NDEL1: variants seen among roughly 807,000 people sequenced by gnomAD.
NDEL1 encodes the protein nuclear distribution protein nudE-like 1.
In NDEL1, 9 loss-of-function variants were observed where a neutral mutation model predicts 45.7. The observed-to-expected ratio is 0.20, with a 90% CI of 0.12 to 0.34. NDEL1 has a LOEUF of 0.34. Among genes scored for constraint, NDEL1 ranks in the 10% least tolerant of loss-of-function variants. The probability of loss-of-function intolerance (pLI) is 1.00; values close to 1 mark genes in which losing one functional copy is unlikely to be tolerated. For missense variants in NDEL1, 306 were observed against 406.2 expected (o/e 0.75, Z 2.12); for synonymous variants, 133 against 158.6 (o/e 0.84, Z 1.21).
upstream of NDEL1, among the ~76,000 whole-genome samples, chr17:8,434,538 C>T (rs1458848286): frequency 6.6e-6 from 1 of 151,444 alleles, no homozygotes; most frequent in African/African-American, 2.4e-5. Flanking sequence ...ACACAGTAGA[C>T]CCCATCTCCT....
At chr17:8,468,400 C>G (rs1025325681), downstream of NDEL1, among the ~76,000 whole-genome samples, 1 of 152,184 alleles carries the variant, frequency 6.6e-6, no homozygotes, top group African/African-American at 2.4e-5. Context: ...GGCCTGGGCC[C>G]CATGTGAAAA....
chr17:8,424,072 A>C, intron 1 of NDEL1, among the ~76,000 whole-genome samples: 1 of 152,244 alleles, frequency 6.6e-6, no homozygotes, highest in Non-Finnish European at 1.5e-5. Context: ...AAAGAAAAAA[A>C]GGAAGGAAGA....
At chr17:8,447,035 T>C (rs1170561153) in intron 4 of NDEL1, 133 bp downstream of exon 4, 3 of 1,141,862 alleles carry the variant, frequency 2.6e-6, no homozygotes, top group Non-Finnish European at 2.4e-6. Context: ...CTGTAACTCA[T>C]CGGACGGAAG....
At chr17:8,462,210 C>A (rs1911254456) in intron 8 of NDEL1, among the ~76,000 whole-genome samples, 1 of 151,820 alleles carries the variant, frequency 6.6e-6, no homozygotes, top group Non-Finnish European at 1.5e-5. Context: ...GTTGCAGATA[C>A]TGAGTTTTGG....
chr17:8,445,744 C>T lies in NDEL1; in HGVS notation c.120C>T (p.Phe40=), dbSNP rs767672497. The change falls in exon 3 of 9, where the codon TTC becomes TTT. Residue 40 remains phenylalanine (F), a synonymous_variant. Coordinates refer to ENST00000334527, the MANE Select transcript of NDEL1 (RefSeq NM_030808.5). ...FQEARDELVE[F]QEGSRELEAE... is the part of the protein sequence containing the mutation. Reference sequence around the variant, plus strand: ...AAGCTCGGGATGAGCTAGTTGAATTCCAGGAAGGAAGCAGAGAATTAGAAG... The same window carrying T: ...AAGCTCGGGATGAGCTAGTTGAATTTCAGGAAGGAAGCAGAGAATTAGAAG... 3.8e-6 allele frequency: 6 copies of T among 1,595,592 alleles called. No homozygotes were observed. Among genetic ancestry groups the T allele is most frequent in the Non-Finnish European group, 5.1e-6 (6 of 1,173,392 alleles).
chr17:8,435,954 G>C lies in NDEL1; in HGVS notation c.-104G>C, dbSNP rs1203278061. 2.2e-6 allele frequency: 1 copy of C among 448,598 alleles called. No individual in the cohort carries two copies. The allele number at this position is 448,598 out of a possible 1,614,324, so 27.8% of individuals were successfully genotyped here. A position where few individuals can be genotyped will look rare whatever the true frequency, so the allele number is the denominator to read the frequency against. On this transcript the variant is annotated 5_prime_UTR_variant, in exon 1 of 9. Transcript: ENST00000334527. Reference sequence around the variant, plus strand: ...GTGGAGCTCGGGGCTGCGTAGGGGAGCTGAGCCGAGCGGCTGGGCGGGCCT... The same window carrying C: ...GTGGAGCTCGGGGCTGCGTAGGGGACCTGAGCCGAGCGGCTGGGCGGGCCT...
upstream of NDEL1, among the ~76,000 whole-genome samples, chr17:8,434,179 G>C (rs534166656): frequency 1.8e-3 from 280 of 152,316 alleles, 1 homozygote; most frequent in African/African-American, 6.5e-3. Context: ...AGGACTTTGT[G>C]GGGGGCTGAG....
chr17:8,444,364 T>A lies in NDEL1; in HGVS notation c.86+7T>A. 1 of 1,600,836 alleles carries A rather than the reference T, an allele frequency of 6.2e-7. No homozygotes were observed. The highest frequency in any genetic ancestry group is 1.1e-5 in the South Asian group (1 of 90,188). On this transcript the variant is annotated splice_region_variant and intron_variant, in intron 2 of 8. Coordinates refer to ENST00000334527, the MANE Select transcript of NDEL1 (RefSeq NM_030808.5). The stretch of plus-strand genomic sequence containing the variant: ...CCTTGAAGTATAAGCAAAGGTAATG[T>A]TGGAAAGCACACTAAAAGTAGGGGA...
At chr17:8,439,527 T>C (rs1056999446) in intron 1 of NDEL1, among the ~76,000 whole-genome samples, 9 of 152,028 alleles carry the variant, frequency 5.9e-5, no homozygotes, top group Admixed American at 2.0e-4. Context: ...GTGCTAGGAT[T>C]ATAGGCATGA....
chr17:8,434,498 G>A (rs556393366), upstream of NDEL1, among the ~76,000 whole-genome samples: 125 of 152,200 alleles, frequency 8.2e-4, no homozygotes, highest in Non-Finnish European at 1.5e-3. Context: ...GCGCCTGGCC[G>A]AAGTCAGGAG....
At position 8,467,309 on chromosome 17, in the gene NDEL1, G is replaced by A; in HGVS notation, c.*286G>A. The A allele has an allele frequency of 1.8e-6, 1 of 556,570 alleles. No individual in the cohort carries two copies. Among genetic ancestry groups the A allele is most frequent in the Non-Finnish European group, 3.2e-6 (1 of 315,604 alleles). The allele number at this position is 556,570 out of a possible 1,614,324, so 34.5% of individuals were successfully genotyped here. A position where few individuals can be genotyped will look rare whatever the true frequency, so the allele number is the denominator to read the frequency against. On this transcript the variant is annotated 3_prime_UTR_variant, in exon 9 of 9. Transcript: ENST00000334527. The surrounding 1 kb of genome is among the most constrained non-coding windows in gnomAD (Gnocchi z 6.3). Reference sequence around the variant, plus strand: ...ACATACGTGTATTACTTGGTCACTGGATGCAGAAGTACCCATTCATCACAC... The same window carrying A: ...ACATACGTGTATTACTTGGTCACTGAATGCAGAAGTACCCATTCATCACAC...
At chr17:8,471,183 T>C (rs569895173), downstream of NDEL1, among the ~76,000 whole-genome samples, 7 of 152,324 alleles carry the variant, frequency 4.6e-5, no homozygotes, top group African/African-American at 1.7e-4. Context: ...AGATTTTCGC[T>C]CTTGTTGCCC....
intron 8 of NDEL1, among the ~76,000 whole-genome samples, chr17:8,462,605 CCTGT>C (rs1267343481): frequency 4.6e-5 from 7 of 152,138 alleles, no homozygotes; most frequent in Non-Finnish European, 8.8e-5. Flanking sequence ...AACACAAAAG[CCTGT>C]CTGTGTAGAA....
At chr17:8,439,543 C>T (rs1006464187) in intron 1 of NDEL1, among the ~76,000 whole-genome samples, 16 of 152,030 alleles carry the variant, frequency 1.1e-4, no homozygotes, top group African/African-American at 2.2e-4. Context: ...CATGAGCCAC[C>T]GCGCCTGGCC....
upstream of NDEL1, among the ~76,000 whole-genome samples, chr17:8,431,720 TACTGTGAGGATG>T (rs1251765013): frequency 2.6e-5 from 4 of 152,204 alleles, no homozygotes; most frequent in African/African-American, 9.6e-5. Context: ...CTCATGGGAT[TACTGTGAGGATG>T]AAATTAAGCA....
chr17:8,464,630 C>T (rs1045164133), intron 8 of NDEL1: 1 of 152,272 alleles, frequency 6.6e-6, no homozygotes, highest in African/African-American at 2.4e-5. Context: ...CCGGTTCTCT[C>T]TTTATAGTCT....
Position 8,446,874 on chromosome 17 carries a change from G to T in NDEL1, c.361G>T (p.Ala121Ser). The T allele has an allele frequency of 6.2e-7, 1 of 1,614,080 alleles. No individual in the cohort carries two copies. Among genetic ancestry groups the T allele is most frequent in the Non-Finnish European group, 8.5e-7 (1 of 1,179,992 alleles). ...TAAGTATGTGAGAGAGCTGGAGCAG[G>T]CCAACGACGACCTGGAGCGAGCCAA... ...LHKYVRELEQ[A>S]NDDLERAKRA... The change falls in exon 4 of 9, where the codon GCC becomes TCC. Residue 121 changes from alanine (A) to serine (S), a missense_variant. Physicochemically the swap from Ala to Ser is moderately conservative, Grantham distance 99 (BLOSUM62 1). This residue lies in a region of NDEL1 where 112 missense variants were observed against 148.3 expected (regional missense o/e 0.76). Transcript: ENST00000334527.
In NDEL1 at chr17:8,428,865, G is replaced by A. The variant is rs548471393; in HGVS notation, c.-12-15395G>A. On this transcript the variant is annotated intron_variant, in intron 1 of 4. Coordinates refer to the NDEL1 transcript ENST00000582812. ...ATTTTTTGTATTTTTAGTAGAGACG[G>A]GGTTTCACCGTGTTAGCCAAGATGG... Among the ~76,000 whole-genome samples the A allele has an allele frequency of 4.0e-3, 612 of 151,344 alleles. 7 individuals are homozygous for A. Among genetic ancestry groups the A allele is most frequent in the African/African-American group, 0.013 (526 of 41,220 alleles).
upstream of NDEL1, among the ~76,000 whole-genome samples, chr17:8,433,435 A>T (rs1402352013): frequency 6.6e-6 from 1 of 152,182 alleles, no homozygotes; most frequent in Non-Finnish European, 1.5e-5. Flanking sequence ...TGAATTATCC[A>T]TTTGTAAACT....
Sources: gnomAD v4.1 joint callset for allele counts (sites outside exome capture counted in the v4.1 genomes callset) on GRCh38, gnomAD v4.1.1 for gene constraint, gnomAD v4.1.1 regional missense constraint, Gnocchi (gnomAD v3.1) non-coding constraint, MANE v1.5 for transcripts, NCBI Gene and HGNC (gene_info 2026-07-23, HGNC 2026-07-21) for gene names.